Variants in CACNA1D observed in about 807,000 individuals in gnomAD.
The protein encoded by CACNA1D is calcium voltage-gated channel subunit alpha1 D, also known as voltage-dependent L-type calcium channel subunit alpha-1D.
Under a neutral mutation model 257.1 loss-of-function variants are expected in CACNA1D, and 55 were observed. The ratio of observed to expected loss-of-function variants is 0.21; its 90% CI spans 0.17 to 0.27. The LOEUF (loss-of-function observed/expected upper bound fraction) is 0.27, where lower values mean the gene tolerates loss of function less well. Ranked by LOEUF, CACNA1D falls within the 10% of genes least tolerant of loss-of-function variation. CACNA1D has a pLI of 1.00. For synonymous variants in CACNA1D, 980 were observed against 1,014.9 expected, an observed-to-expected ratio of 0.97 and a Z score of 0.65; for missense variants, 1,876 against 2,784.0, an observed-to-expected ratio of 0.67 and a Z score of 7.34.
chr3:53,718,673 G>A, intron 10 of CACNA1D: 1 of 1,553,214 alleles, frequency 6.4e-7, no homozygotes, highest in African/African-American at 1.4e-5. Context: ...CACCTGCTGT[G>A]TCCATTAGGT....
Position 53,718,229 on chromosome 3 carries a change from C to A in CACNA1D, c.1391-72C>A, listed in dbSNP as rs1156588837. 6 of 1,333,686 alleles carry A rather than the reference C, an allele frequency of 4.5e-6. No individual in the cohort carries two copies. The African/African-American group carries it at 7.2e-5, about 16-fold the overall frequency. The allele number at this position is 1,333,686 out of a possible 1,614,324, so 82.6% of individuals were successfully genotyped here. On this transcript the variant is annotated intron_variant, in intron 9 of 47. Coordinates refer to ENST00000350061, the MANE Select transcript of CACNA1D (RefSeq NM_001128840.3). ...CCGGAGGTCTGCCTGGTGGCAGAGG[C>A]TCCCACCTGGCCTGCCTCCCAGGCG...
intron 3 of CACNA1D, among the ~76,000 whole-genome samples, chr3:53,503,099 T>C (rs1349825553): frequency 6.6e-6 from 1 of 152,222 alleles, no homozygotes; most frequent in Non-Finnish European, 1.5e-5. Flanking sequence ...TCATGTTACA[T>C]TTAAAATGTT....
rs1180095569 is a variant in CACNA1D at position 53,618,220 on chromosome 3, G to C, written c.484-32559G>C. ...CCTCAGTTGTGCTTTTGGAGAAGCAGTTGGAGAGGTGAGGGCATGAAGGGC... is the reference window on the plus strand; with the variant it reads ...CCTCAGTTGTGCTTTTGGAGAAGCACTTGGAGAGGTGAGGGCATGAAGGGC... On this transcript the variant is annotated intron_variant, in intron 3 of 47. Coordinates refer to ENST00000350061, the MANE Select transcript of CACNA1D (RefSeq NM_001128840.3). 2.6e-5 allele frequency among the ~76,000 whole-genome samples: 4 copies of C among 152,324 alleles called. No homozygotes were observed. The East Asian group carries it at 7.7e-4, about 29-fold the overall frequency.
Position 53,495,134 on chromosome 3 carries a change from T to C in CACNA1D, c.-33T>C. 9.5e-7 allele frequency: 1 copy of C among 1,057,830 alleles called. No homozygotes were observed. The highest frequency in any genetic ancestry group is 1.4e-6 in the Non-Finnish European group (1 of 738,578). 65.5% of individuals were successfully genotyped at this position (1,057,830 alleles called of 1,614,324 possible). A position where few individuals can be genotyped will look rare whatever the true frequency, so the allele number is the denominator to read the frequency against. On this transcript the variant is annotated 5_prime_UTR_variant, in exon 1 of 48. Coordinates refer to ENST00000350061, the MANE Select transcript of CACNA1D (RefSeq NM_001128840.3). This position sits in a 1 kb window ranked among gnomAD's most constrained non-coding sequence, Gnocchi z 5.1. Reference sequence around the variant, plus strand: ...CGCCTCAACGCCCAGCACAGTGCCCTGCACACAGTAGTCGCTCAATAAATG... The same window carrying C: ...CGCCTCAACGCCCAGCACAGTGCCCCGCACACAGTAGTCGCTCAATAAATG...
chr3:53,549,011 G>C (rs1344638217), intron 3 of CACNA1D, among the ~76,000 whole-genome samples: 1 of 152,160 alleles, frequency 6.6e-6, no homozygotes, highest in African/African-American at 2.4e-5. Flanking sequence ...AGTAACAGAA[G>C]AGTTAAAAAA....
At chr3:53,635,212 T>C (rs2093868422) in intron 3 of CACNA1D, among the ~76,000 whole-genome samples, 1 of 152,178 alleles carries the variant, frequency 6.6e-6, no homozygotes, top group Non-Finnish European at 1.5e-5. Flanking sequence ...ACAGCCGCCA[T>C]GCCTGCTGGA....
At chr3:53,761,724 T>C (rs566929860) in intron 29 of CACNA1D, among the ~76,000 whole-genome samples, 7 of 152,192 alleles carry the variant, frequency 4.6e-5, no homozygotes, top group Non-Finnish European at 8.8e-5. Flanking sequence ...CCTGCTTGGT[T>C]TGGTGCCACT....
intron 3 of CACNA1D, among the ~76,000 whole-genome samples, chr3:53,522,122 C>T (rs890129503): frequency 2.0e-5 from 3 of 152,030 alleles, no homozygotes; most frequent in African/African-American, 4.8e-5. Context: ...AGTGACAGAG[C>T]GAGAAGCTGG....
At chr3:53,803,707 C>A in intron 44 of CACNA1D, 135 bp downstream of exon 44, 1 of 814,236 alleles carries the variant, frequency 1.2e-6, no homozygotes, top group East Asian at 2.5e-5. Flanking sequence ...AACTCCAGGC[C>A]AGAGGGAGAG....
intron 8 of CACNA1D, among the ~76,000 whole-genome samples, chr3:53,681,188 C>G (rs2094426501): frequency 6.6e-6 from 1 of 152,154 alleles, no homozygotes; most frequent in Non-Finnish European, 1.5e-5. Flanking sequence ...AAAAACAAAA[C>G]AGCTTTGATA....
intron 20 of CACNA1D, among the ~76,000 whole-genome samples, chr3:53,739,151 C>A: frequency 6.6e-6 from 1 of 152,340 alleles, no homozygotes; most frequent in Non-Finnish European, 1.5e-5. Context: ...ACAGCTCACC[C>A]CTGTGACTCT....
chr3:53,668,028 T>A (rs1266104149), intron 7 of CACNA1D, among the ~76,000 whole-genome samples: 1 of 152,174 alleles, frequency 6.6e-6, no homozygotes, highest in Non-Finnish European at 1.5e-5. Context: ...CTAGTCAGAT[T>A]AGTTGAGATC....
At chr3:53,537,421 G>A (rs2092145782) in intron 3 of CACNA1D, among the ~76,000 whole-genome samples, 1 of 151,892 alleles carries the variant, frequency 6.6e-6, no homozygotes, top group Non-Finnish European at 1.5e-5. Context: ...GCAAATCTCA[G>A]GTATATCATT....
chr3:53,718,526 A>T, intron 10 of CACNA1D, 138 bp downstream of exon 10: 1 of 1,022,572 alleles, frequency 9.8e-7, no homozygotes, highest in South Asian at 1.4e-5. Context: ...CTCGTACCCC[A>T]CGCCACGCTT....
At chr3:53,565,574 A>G (rs1024318830) in intron 3 of CACNA1D, among the ~76,000 whole-genome samples, 1 of 152,224 alleles carries the variant, frequency 6.6e-6, no homozygotes, top group Non-Finnish European at 1.5e-5. Context: ...TCAGTCTGGT[A>G]GATTACTAGT....
chr3:53,659,754 G>A (rs2094184857), intron 4 of CACNA1D, among the ~76,000 whole-genome samples: 1 of 152,214 alleles, frequency 6.6e-6, no homozygotes, highest in Non-Finnish European at 1.5e-5. Flanking sequence ...GAATTAATGT[G>A]ACAATGTATG....
At chr3:53,592,723 G>A (rs2093321995) in intron 3 of CACNA1D, among the ~76,000 whole-genome samples, 1 of 148,688 alleles carries the variant, frequency 6.7e-6, no homozygotes, top group South Asian at 2.2e-4. Flanking sequence ...TTTTTTTTTA[G>A]ATGGAGTTTT....
At chr3:53,694,776 C>T (rs993505187) in intron 8 of CACNA1D, among the ~76,000 whole-genome samples, 4 of 152,160 alleles carry the variant, frequency 2.6e-5, no homozygotes, top group African/African-American at 7.2e-5. Flanking sequence ...ACCCAGGTCG[C>T]TTTCCCCAGC....
intron 3 of CACNA1D, among the ~76,000 whole-genome samples, chr3:53,621,930 A>G (rs1490831799): frequency 6.6e-6 from 1 of 152,244 alleles, no homozygotes; most frequent in Non-Finnish European, 1.5e-5. Flanking sequence ...CACCTACCAA[A>G]GTGACTAAAA....
Sources: allele counts gnomAD v4.1 joint callset (sites outside exome capture counted in the v4.1 genomes callset), GRCh38; gene constraint gnomAD v4.1.1; non-coding constraint Gnocchi (gnomAD v3.1); transcripts MANE v1.5; gene names NCBI Gene and HGNC (gene_info 2026-07-23, HGNC 2026-07-21).